The following FRS2 variants were observed in gnomAD, a reference collection of about 807,000 sequenced individuals.
FRS2 encodes the protein fibroblast growth factor receptor substrate 2.
In FRS2, 8 loss-of-function variants were observed where a neutral mutation model predicts 43.9. The observed-to-expected ratio is 0.18, with a 90% confidence interval of 0.11 to 0.33. FRS2 has a LOEUF of 0.33. Ranked by LOEUF, FRS2 falls within the 10% of genes least tolerant of loss-of-function variation. The pLI is 1.00. For synonymous variants in FRS2, 219 were observed against 220.3 expected, an observed-to-expected ratio of 0.99 and a Z score of 0.05; for missense variants, 534 against 627.6, an observed-to-expected ratio of 0.85 and a Z score of 1.59.
At chr12:69,519,982 C>T (rs1875465665) in intron 1 of FRS2, among the ~76,000 whole-genome samples, 1 of 152,164 alleles carries the variant, frequency 6.6e-6, no homozygotes, top group African/African-American at 2.4e-5. Flanking sequence ...GAGGAATCAC[C>T]ACACTGCATT....
chr12:69,507,060 C>T (rs1401629351), intron 1 of FRS2, among the ~76,000 whole-genome samples: 2 of 152,214 alleles, frequency 1.3e-5, no homozygotes, highest in Admixed American at 6.5e-5. Context: ...TCACCAAATG[C>T]GGTCCCTCGA....
intron 1 of FRS2, among the ~76,000 whole-genome samples, chr12:69,488,463 C>T (rs1872157692): frequency 6.6e-6 from 1 of 152,168 alleles, no homozygotes; most frequent in Admixed American, 6.5e-5. Context: ...AAACGTAATG[C>T]TGTTGCACAC....
chr12:69,566,372 G>A (rs1381988252), intron 4 of FRS2, among the ~76,000 whole-genome samples: 1 of 152,032 alleles, frequency 6.6e-6, no homozygotes, highest in Non-Finnish European at 1.5e-5. Context: ...GTACTTTCAA[G>A]AAGACTTTTA....
chr12:69,544,435 G>C (rs552554597), intron 3 of FRS2, among the ~76,000 whole-genome samples: 1 of 152,322 alleles, frequency 6.6e-6, no homozygotes, highest in Non-Finnish European at 1.5e-5. Flanking sequence ...GCCAGGTGCA[G>C]TGGTTCATGT....
intron 1 of FRS2, among the ~76,000 whole-genome samples, chr12:69,516,121 T>A (rs771813904): frequency 1.3e-5 from 2 of 152,078 alleles, no homozygotes; most frequent in Non-Finnish European, 2.9e-5. Context: ...CCAAACAGTA[T>A]TTCATAATAA....
At position 69,481,976 on chromosome 12, in the gene FRS2, G is replaced by A. The variant is rs115906040; in HGVS notation, c.-261+11446G>A. Among the ~76,000 whole-genome samples, 945 of 150,944 alleles carry A rather than the reference G, an allele frequency of 6.3e-3. 10 individuals are homozygous for A. The highest frequency in any genetic ancestry group is 0.022 in the African/African-American group (890 of 41,290). The stretch of plus-strand genomic sequence containing the variant: ...CCTTGTAACAAGCAGTCTGCTTAGA[G>A]GTACCTTAGTGTTTTATGGTTTTTT... On this transcript the variant is annotated intron_variant, in intron 1 of 8. Transcript: ENST00000549921.
At chr12:69,495,596 T>C (rs117794662) in intron 1 of FRS2, among the ~76,000 whole-genome samples, 1,925 of 152,290 alleles carry the variant, frequency 0.013, 22 homozygotes, top group Non-Finnish European at 0.022. Context: ...ATGGAGACTA[T>C]AATAAAAATC....
intron 3 of FRS2, among the ~76,000 whole-genome samples, chr12:69,536,101 C>CCTTTTTTTTTTTTTTTTTTTT (rs1877251782): frequency 5.4e-5 from 2 of 37,176 alleles, no homozygotes; most frequent in African/African-American, 1.8e-4. Flanking sequence ...TATTTTCATT[C>CCTTTTTTTTTTTTTTTTTTTT]TTTTTTTTTT....
intron 1 of FRS2, among the ~76,000 whole-genome samples, chr12:69,523,650 T>C (rs1565745613): frequency 6.6e-6 from 1 of 152,266 alleles, no homozygotes; most frequent in Admixed American, 6.5e-5. Context: ...CTTTTTTGTG[T>C]GGTTGCCCTG....
chr12:69,523,563 A>C (rs1038261516), intron 1 of FRS2, among the ~76,000 whole-genome samples: 2 of 152,102 alleles, frequency 1.3e-5, no homozygotes, highest in Non-Finnish European at 2.9e-5. Context: ...TGGGGTAGTT[A>C]GCCTATTAAC....
chr12:69,526,109 G>A (rs1592991052), intron 1 of FRS2, among the ~76,000 whole-genome samples: 3 of 151,964 alleles, frequency 2.0e-5, no homozygotes, highest in Admixed American at 2.0e-4. Flanking sequence ...TGCTGACCTC[G>A]GCCTCCCAAA....
intron 3 of FRS2, among the ~76,000 whole-genome samples, chr12:69,536,859 G>A (rs1877369971): frequency 1.3e-5 from 2 of 152,074 alleles, no homozygotes; most frequent in South Asian, 2.1e-4. Context: ...GTAAGCCACC[G>A]TGCCCAGCTC....
chr12:69,556,597 C>T (rs1879378703), intron 3 of FRS2, among the ~76,000 whole-genome samples: 3 of 152,202 alleles, frequency 2.0e-5, no homozygotes, highest in South Asian at 4.1e-4. Context: ...GCTGGGATTA[C>T]AGGCGTGAGC....
intron 4 of FRS2, among the ~76,000 whole-genome samples, chr12:69,567,044 G>C (rs1432077974): frequency 6.6e-6 from 1 of 152,104 alleles, no homozygotes; most frequent in East Asian, 1.9e-4. Flanking sequence ...TTAAATCCCA[G>C]CTCAATTAGT....
intron 1 of FRS2, among the ~76,000 whole-genome samples, chr12:69,492,823 A>T (rs1222183952): frequency 6.6e-6 from 1 of 152,208 alleles, no homozygotes; most frequent in Non-Finnish European, 1.5e-5. Flanking sequence ...GTTTGGTTCC[A>T]TGGTGGAGCA....
In FRS2 at chr12:69,478,660, G is replaced by T. The variant is rs374544657; in HGVS notation, c.-261+8130G>T. Among the ~76,000 whole-genome samples the T allele has an allele frequency of 1.1e-4, 17 of 151,250 alleles. No homozygotes were observed. In the South Asian group the frequency reaches 3.6e-3, roughly 32 times the overall value. ...TTTTGGGGAGGAGCCATAGATTTTT[G>T]AATTTTTTTCTTCTATATTGATTTT... is the stretch of plus-strand genomic sequence containing the variant. On this transcript the variant is annotated intron_variant, in intron 1 of 8. Transcript: ENST00000549921.
intron 3 of FRS2, among the ~76,000 whole-genome samples, chr12:69,552,718 C>T (rs1386670809): frequency 1.3e-5 from 2 of 151,960 alleles, no homozygotes; most frequent in African/African-American, 4.8e-5. Flanking sequence ...ATAGTGCAAC[C>T]CTGTCTCTAC....
At chr12:69,515,550 A>G (rs1361705848) in intron 1 of FRS2, among the ~76,000 whole-genome samples, 2 of 152,098 alleles carry the variant, frequency 1.3e-5, no homozygotes, top group Admixed American at 6.6e-5. Flanking sequence ...AGGAAGGGAA[A>G]AACATCCCTC....
At chr12:69,556,665 C>A (rs1240244688) in intron 3 of FRS2, among the ~76,000 whole-genome samples, 1 of 152,050 alleles carries the variant, frequency 6.6e-6, no homozygotes, top group Non-Finnish European at 1.5e-5. Context: ...TTATTTAGTT[C>A]TAGGTTAAAG....
Sources: gnomAD v4.1 joint callset for allele counts (sites outside exome capture counted in the v4.1 genomes callset) on GRCh38, gnomAD v4.1.1 for gene constraint, MANE v1.5 for transcripts, NCBI Gene and HGNC (gene_info 2026-07-23, HGNC 2026-07-21) for gene names.